Variants in RLN2 observed in about 807,000 individuals in gnomAD.
The protein encoded by RLN2 is prorelaxin H2.
In RLN2, 10 loss-of-function variants were observed where a neutral mutation model predicts 7.3. The ratio of observed to expected loss-of-function variants is 1.36; its 90% CI spans 0.84 to 2.31. RLN2 has a LOEUF of 2.31. RLN2 is among the 30% of genes most tolerant of loss of function. RLN2 has a pLI of 0.00. For missense variants in RLN2, 298 were observed against 217.6 expected (o/e 1.37, Z -2.32); for synonymous variants, 103 against 82.3 (o/e 1.25, Z -1.36).
chr9:5,316,437 C>T, the RLN2 span, among the ~76,000 whole-genome samples: 1 of 152,058 alleles, frequency 6.6e-6, no homozygotes, highest in African/African-American at 2.4e-5. Context: ...GCTATCCTCC[C>T]ACTAGCCCCT....
upstream of RLN2, among the ~76,000 whole-genome samples, chr9:5,307,278 T>C (rs62557687): frequency 1.8e-5 from 1 of 56,604 alleles, no homozygotes; most frequent in Non-Finnish European, 3.5e-5. Flanking sequence ...AGAGGATAGA[T>C]AGATAGATAG....
the RLN2 span, among the ~76,000 whole-genome samples, chr9:5,328,132 C>T: frequency 3.3e-5 from 5 of 151,920 alleles, no homozygotes; most frequent in African/African-American, 9.7e-5. Context: ...GGAGCATGTT[C>T]TAACCCATCC....
chr9:5,304,074 C>T, intron 1 of RLN2: 1 of 245,176 alleles, frequency 4.1e-6, no homozygotes, highest in East Asian at 8.9e-5. Flanking sequence ...CCCTTTCCAC[C>T]CCGTCGCTCT....
chr9:5,321,099 G>A, the RLN2 span, among the ~76,000 whole-genome samples: 1 of 152,070 alleles, frequency 6.6e-6, no homozygotes, highest in Non-Finnish European at 1.5e-5. Flanking sequence ...CAGAATTTTT[G>A]AAAATCACAG....
the RLN2 span, among the ~76,000 whole-genome samples, chr9:5,316,620 A>G: frequency 6.6e-6 from 1 of 152,034 alleles, no homozygotes; most frequent in Non-Finnish European, 1.5e-5. Flanking sequence ...AAAGGACATG[A>G]GCTTATCCTT....
chr9:5,334,754 T>C, the RLN2 span, among the ~76,000 whole-genome samples: 1 of 152,044 alleles, frequency 6.6e-6, no homozygotes, highest in African/African-American at 2.4e-5. Context: ...AAAAAATACT[T>C]GAGTTTACTT....
Position 5,300,172 on chromosome 9 carries a change from G to T in RLN2, c.484C>A (p.Gln162Lys). The change falls in exon 2 of 2, where the codon CAA (glutamine) becomes AAA (lysine). Residue 162 changes from glutamine (Q) to lysine (K), a missense_variant. Gln to Lys is a moderately conservative substitution (Grantham distance 53). Transcript: ENST00000381627. ...GLDTHSRKKRQLYSALANKCC... is the reference protein window; with the variant it reads ...GLDTHSRKKRKLYSALANKCC... ...TTATTAGCCAATGCACTGTAGAGTTGTCTCTTTTTTCGAGAATGAGTATCC... is the reference window on the plus strand; with the variant it reads ...TTATTAGCCAATGCACTGTAGAGTTTTCTCTTTTTTCGAGAATGAGTATCC... The T allele has an allele frequency of 6.2e-7, 1 of 1,613,672 alleles. No individual in the cohort carries two copies. Among genetic ancestry groups the T allele is most frequent in the Middle Eastern group, 1.7e-4 (1 of 6,060 alleles).
At chr9:5,337,960 A>G in the RLN2 span, among the ~76,000 whole-genome samples, 111 of 152,112 alleles carry the variant, frequency 7.3e-4, 2 homozygotes, top group East Asian at 3.5e-3. Flanking sequence ...ATTTCAAATT[A>G]TGTTTTGGGA....
the RLN2 span, among the ~76,000 whole-genome samples, chr9:5,327,950 T>C: frequency 6.6e-6 from 1 of 151,856 alleles, no homozygotes; most frequent in Non-Finnish European, 1.5e-5. Flanking sequence ...ACCGCAAAGA[T>C]AGGGAGAAAC....
the RLN2 span, among the ~76,000 whole-genome samples, chr9:5,315,363 ACT>A: frequency 2.6e-5 from 4 of 151,528 alleles, no homozygotes; most frequent in East Asian, 3.9e-4. Context: ...CAAGGAAGAA[ACT>A]CTGCATTTGA....
the RLN2 span, among the ~76,000 whole-genome samples, chr9:5,329,120 G>A: frequency 3.3e-5 from 5 of 151,310 alleles, no homozygotes; most frequent in South Asian, 2.1e-4. Flanking sequence ...TGGCTAACAA[G>A]GTGAAACCCC....
intron 1 of RLN2, among the ~76,000 whole-genome samples, chr9:5,301,345 C>T (rs193182245): frequency 5.5e-4 from 84 of 152,324 alleles, no homozygotes; most frequent in Middle Eastern, 3.4e-3. Flanking sequence ...TGCACCCATT[C>T]AGCTCAGTTG....
the RLN2 span, among the ~76,000 whole-genome samples, chr9:5,337,294 A>T: frequency 3.3e-5 from 5 of 152,096 alleles, no homozygotes; most frequent in African/African-American, 9.7e-5. Flanking sequence ...CAAAACAGTT[A>T]TAGATTGTAT....
chr9:5,336,470 G>A, the RLN2 span, among the ~76,000 whole-genome samples: 1 of 152,012 alleles, frequency 6.6e-6, no homozygotes, highest in Non-Finnish European at 1.5e-5. Flanking sequence ...TGGACACCCA[G>A]CTGACATCTT....
the RLN2 span, among the ~76,000 whole-genome samples, chr9:5,309,960 C>T: frequency 6.6e-6 from 1 of 151,854 alleles, no homozygotes. Context: ...AATTAAAGAC[C>T]CTGTGACACA....
the RLN2 span, among the ~76,000 whole-genome samples, chr9:5,326,606 AAG>A: frequency 6.6e-6 from 1 of 152,044 alleles, no homozygotes; most frequent in Non-Finnish European, 1.5e-5. Context: ...AGGTGGGGAC[AAG>A]GGGGGAGGGC....
chr9:5,304,973 C>G (rs150418513), upstream of RLN2: 5 of 192,732 alleles, frequency 2.6e-5, no homozygotes, highest in African/African-American at 1.2e-4. Flanking sequence ...AATTTGAGAT[C>G]ACCCATATTC....
chr9:5,328,421 C>A, the RLN2 span, among the ~76,000 whole-genome samples: 2 of 151,918 alleles, frequency 1.3e-5, no homozygotes, highest in African/African-American at 4.8e-5. Flanking sequence ...GTGAAAAGAA[C>A]AAATATACGT....
At chr9:5,339,323 T>C in the RLN2 span, 3 of 449,552 alleles carry the variant, frequency 6.7e-6, no homozygotes, top group Non-Finnish European at 1.1e-5. Context: ...TTTCCCTCCG[T>C]CCGGTGAGAT....
Sources: gnomAD v4.1 joint callset for allele counts (sites outside exome capture counted in the v4.1 genomes callset) on GRCh38, gnomAD v4.1.1 for gene constraint, MANE v1.5 for transcripts, NCBI Gene and HGNC (gene_info 2026-07-23, HGNC 2026-07-21) for gene names.